FAF1: variants seen among roughly 807,000 people sequenced by gnomAD.
FAF1 encodes Fas associated factor 1.
In FAF1, 25 loss-of-function variants were observed where a neutral mutation model predicts 92.5. The ratio of observed to expected loss-of-function variants is 0.27; its 90% CI spans 0.20 to 0.38. The LOEUF is 0.38. Among genes scored for constraint, FAF1 ranks in the 10% least tolerant of loss-of-function variants. The probability of loss-of-function intolerance (pLI) is 1.00; values close to 1 mark genes in which losing one functional copy is unlikely to be tolerated. For missense variants in FAF1, 636 were observed against 793.3 expected (o/e 0.80, Z 2.38); for synonymous variants, 234 against 273.2 (o/e 0.86, Z 1.42).
In FAF1 at chr1:50,438,890, A is replaced by G. The variant is rs756989746; in HGVS notation, c.*2550T>C. The G allele has an allele frequency of 3.9e-5, 6 of 152,214 alleles. No individual in the cohort carries two copies. The highest frequency in any genetic ancestry group is 7.3e-5 in the Non-Finnish European group (5 of 68,040). 9.4% of individuals were successfully genotyped at this position (152,214 alleles called of 1,614,324 possible). On this transcript the variant is annotated 3_prime_UTR_variant, in exon 19 of 19. Coordinates refer to ENST00000396153, the MANE Select transcript of FAF1 (RefSeq NM_007051.3). ...GAGATGAACATCTGTGTGTGCTATAAAACTAGTAGTGCCAGAGAATGGCAA... is the reference window on the plus strand; with the variant it reads ...GAGATGAACATCTGTGTGTGCTATAGAACTAGTAGTGCCAGAGAATGGCAA...
chr1:50,539,811 TA>T, intron 13 of FAF1, 83 bp from the exon 14 acceptor site: 2 of 988,336 alleles, frequency 2.0e-6, no homozygotes, highest in Non-Finnish European at 3.0e-6. Flanking sequence ...CTCATTGTGT[TA>T]TTAGTTATGT....
At chr1:50,766,790 G>GC (rs1660588373) in intron 4 of FAF1, among the ~76,000 whole-genome samples, 1 of 32,884 alleles carries the variant, frequency 3.0e-5, no homozygotes, top group Non-Finnish European at 6.1e-5. Flanking sequence ...AAGCAAGCAA[G>GC]CAAAAAAAAA....
intron 2 of FAF1, among the ~76,000 whole-genome samples, chr1:50,852,297 T>C (rs896284620): frequency 2.0e-5 from 3 of 152,134 alleles, no homozygotes; most frequent in African/African-American, 4.8e-5. Context: ...GAGTCAGAAG[T>C]CTTAACAGCA....
intron 7 of FAF1, among the ~76,000 whole-genome samples, chr1:50,670,013 T>A (rs1453993919): frequency 6.6e-6 from 1 of 151,204 alleles, no homozygotes; most frequent in Non-Finnish European, 1.5e-5. Context: ...CCCAGCTACT[T>A]GGGAGGCTGA....
intron 15 of FAF1, among the ~76,000 whole-genome samples, chr1:50,518,079 C>G (rs1484093310): frequency 2.0e-5 from 3 of 152,154 alleles, no homozygotes; most frequent in Non-Finnish European, 4.4e-5. Flanking sequence ...GAAACAGTTT[C>G]ATCATACAAA....
chr1:50,567,858 T>TGAA (rs1412297645), intron 12 of FAF1, among the ~76,000 whole-genome samples: 9 of 152,142 alleles, frequency 5.9e-5, no homozygotes, highest in African/African-American at 2.2e-4. Flanking sequence ...GCATTCTTTC[T>TGAA]AGTTTATATT....
intron 2 of FAF1, among the ~76,000 whole-genome samples, chr1:50,803,422 T>C (rs1388093869): frequency 3.3e-5 from 5 of 152,202 alleles, no homozygotes; most frequent in Admixed American, 2.0e-4. Flanking sequence ...GTATATTCAC[T>C]GAACTTATCT....
intron 3 of FAF1, among the ~76,000 whole-genome samples, chr1:50,795,383 C>T (rs896199397): frequency 6.6e-6 from 1 of 152,204 alleles, no homozygotes; most frequent in Non-Finnish European, 1.5e-5. Context: ...ATATTGATGG[C>T]TTCCCACACA....
chr1:50,810,798 C>T lies in FAF1; in HGVS notation c.115-9121G>A, dbSNP rs137984861. On this transcript the variant is annotated intron_variant, in intron 2 of 18. Coordinates refer to ENST00000396153, the MANE Select transcript of FAF1 (RefSeq NM_007051.3). ...GCACGGTGATTCACACCTGTAATCCCAGCACTCTGGGAGGCCGAGATGGGT... is the reference window on the plus strand; with the variant it reads ...GCACGGTGATTCACACCTGTAATCCTAGCACTCTGGGAGGCCGAGATGGGT... 3.7e-3 allele frequency among the ~76,000 whole-genome samples: 562 copies of T among 152,254 alleles called. 7 individuals are homozygous for T. The highest frequency in any genetic ancestry group is 0.013 in the African/African-American group (545 of 41,546).
intron 1 of FAF1, among the ~76,000 whole-genome samples, chr1:50,876,092 C>T (rs1462093911): frequency 3.9e-5 from 6 of 152,040 alleles, no homozygotes; most frequent in Admixed American, 2.0e-4. Context: ...ATGTGTAAAA[C>T]GACTAAAAAG....
chr1:50,912,435 C>A (rs564253689), intron 1 of FAF1, among the ~76,000 whole-genome samples: 93 of 152,158 alleles, frequency 6.1e-4, no homozygotes, highest in African/African-American at 2.2e-3. Context: ...GGAAAAGGAG[C>A]CTTGCCCACC....
At chr1:50,903,192 G>A (rs1010449580) in intron 1 of FAF1, among the ~76,000 whole-genome samples, 2 of 152,026 alleles carry the variant, frequency 1.3e-5, no homozygotes, top group Non-Finnish European at 2.9e-5. Flanking sequence ...CACACCTTTT[G>A]CTCAAGTTGT....
At chr1:50,755,833 C>A (rs1367304522) in intron 4 of FAF1, among the ~76,000 whole-genome samples, 1 of 152,216 alleles carries the variant, frequency 6.6e-6, no homozygotes, top group Non-Finnish European at 1.5e-5. Context: ...CCCTCTGAAG[C>A]CACAGCCCAA....
rs117905462 is a variant in FAF1 at position 50,725,241 on chromosome 1, T to C, written c.551+13622A>G. ...AAAACTCTAGAAGAGCCTCTATTTT[T>C]TGGTAGGATCTGAGGCCCCGTGCAG... On this transcript the variant is annotated intron_variant, in intron 6 of 18. Coordinates refer to ENST00000396153, the MANE Select transcript of FAF1 (RefSeq NM_007051.3). 7.1e-4 allele frequency among the ~76,000 whole-genome samples: 108 copies of C among 152,246 alleles called. No homozygotes were observed. In the East Asian group the frequency reaches 0.02, roughly 28 times the overall value.
At chr1:50,801,829 T>C in intron 2 of FAF1, 152 bp from the exon 3 acceptor site, 1 of 555,016 alleles carries the variant, frequency 1.8e-6, no homozygotes, top group South Asian at 2.6e-5. Context: ...GTCTATTAAA[T>C]GTTTCTATAT....
At chr1:50,941,839 A>T (rs777064095) in intron 1 of FAF1, among the ~76,000 whole-genome samples, 1 of 152,192 alleles carries the variant, frequency 6.6e-6, no homozygotes, top group Non-Finnish European at 1.5e-5. Flanking sequence ...TTTGAAACCT[A>T]ATTTTCTATT....
At chr1:50,543,123 G>A (rs1163968428) in intron 13 of FAF1, among the ~76,000 whole-genome samples, 2 of 151,982 alleles carry the variant, frequency 1.3e-5, no homozygotes, top group Non-Finnish European at 2.9e-5. Flanking sequence ...TCTTGTTAAC[G>A]GAAACCAGGA....
intron 4 of FAF1, among the ~76,000 whole-genome samples, chr1:50,757,316 G>C (rs1660115796): frequency 6.6e-6 from 1 of 152,140 alleles, no homozygotes; most frequent in Non-Finnish European, 1.5e-5. Flanking sequence ...AGACAGGAGT[G>C]TTATAATCTC....
chr1:50,723,916 T>A (rs140930161), intron 6 of FAF1, among the ~76,000 whole-genome samples: 2,872 of 152,112 alleles, frequency 0.019, 47 homozygotes, highest in Non-Finnish European at 0.029. Context: ...ACCTGGCTAA[T>A]TTTTGTATTT....
Sources: gnomAD v4.1 joint callset for allele counts (sites outside exome capture counted in the v4.1 genomes callset) on GRCh38, gnomAD v4.1.1 for gene constraint, MANE v1.5 for transcripts, NCBI Gene and HGNC (gene_info 2026-07-23, HGNC 2026-07-21) for gene names.